ANKRD55: variants seen among roughly 807,000 people sequenced by gnomAD.
The protein encoded by ANKRD55 is ankyrin repeat domain-containing protein 55.
Under a neutral mutation model 60.6 loss-of-function variants are expected in ANKRD55, and 41 were observed. The ratio of observed to expected loss-of-function variants is 0.68; its 90% CI spans 0.53 to 0.88. The LOEUF (loss-of-function observed/expected upper bound fraction) is 0.88, where lower values mean the gene tolerates loss of function less well. ANKRD55 is among the 40% of genes least tolerant of loss of function. ANKRD55 has a pLI of 0.00. For missense variants in ANKRD55, 732 were observed against 767.6 expected (o/e 0.95, Z 0.55); for synonymous variants, 264 against 290.3 (o/e 0.91, Z 0.92).
intron 2 of ANKRD55, among the ~76,000 whole-genome samples, chr5:56,222,802 A>G (rs1760002418): frequency 6.6e-6 from 1 of 152,188 alleles, no homozygotes; most frequent in South Asian, 2.1e-4. Flanking sequence ...AAGTTTAGAG[A>G]AAAAAGAGTA....
intron 3 of ANKRD55, among the ~76,000 whole-genome samples, chr5:56,181,122 G>A (rs1758841158): frequency 6.6e-6 from 1 of 152,194 alleles, no homozygotes; most frequent in East Asian, 1.9e-4. Context: ...GCTTGAACCC[G>A]GGAGGTGGAG....
chr5:56,175,407 AG>A (rs1049741369), intron 4 of ANKRD55, among the ~76,000 whole-genome samples: 2 of 152,188 alleles, frequency 1.3e-5, no homozygotes, highest in African/African-American at 2.4e-5. Context: ...AGGAAGAAAA[AG>A]GATGACCTCC....
chr5:56,203,322 C>T (rs1297518337), intron 2 of ANKRD55, among the ~76,000 whole-genome samples: 2 of 151,948 alleles, frequency 1.3e-5, no homozygotes, highest in African/African-American at 4.8e-5. Context: ...CTCATGAGAT[C>T]TGATGGTTTT....
At chr5:56,140,907 A>G (rs1757742622) in intron 7 of ANKRD55, among the ~76,000 whole-genome samples, 1 of 152,070 alleles carries the variant, frequency 6.6e-6, no homozygotes, top group Admixed American at 6.6e-5. Flanking sequence ...TACTAAAAAT[A>G]CAAAAATTAG....
At chr5:56,155,622 C>G (rs1758172086) in intron 6 of ANKRD55, among the ~76,000 whole-genome samples, 1 of 152,056 alleles carries the variant, frequency 6.6e-6, no homozygotes, top group African/African-American at 2.4e-5. Context: ...TGACCTAGTA[C>G]AGGAGCTCAG....
At chr5:56,219,759 C>A (rs1759916505) in intron 2 of ANKRD55, among the ~76,000 whole-genome samples, 1 of 152,226 alleles carries the variant, frequency 6.6e-6, no homozygotes, top group South Asian at 2.1e-4. Flanking sequence ...TGCATCCATA[C>A]CCTCACCTTC....
intron 5 of ANKRD55, among the ~76,000 whole-genome samples, chr5:56,166,151 TTTCTTCTTTCC>T (rs1758465591): frequency 4.1e-5 from 4 of 98,720 alleles, no homozygotes; most frequent in African/African-American, 1.8e-4. Context: ...TCTTTCTTTC[TTTCTTCTTTCC>T]TTCCTTCCTT....
rs754214865 is a variant in ANKRD55, at chr5:56,102,635, A to G, written c.1631-49T>C. On this transcript the variant is annotated intron_variant, in intron 10 of 11. Coordinates refer to ENST00000341048, the MANE Select transcript of ANKRD55 (RefSeq NM_024669.3). ...AATTACTTGAGACTCAACCAAGTGC[A>G]AATTACAGAATGCAATGGATAAGAG... 3.4e-5 allele frequency: 45 copies of G among 1,320,394 alleles called. No homozygotes were observed. The South Asian group carries it at 5.1e-4, about 15-fold the overall frequency. 81.8% of individuals were successfully genotyped at this position (1,320,394 alleles called of 1,614,324 possible).
chr5:56,127,365 A>C (rs953449286), intron 7 of ANKRD55: 3 of 985,322 alleles, frequency 3.0e-6, no homozygotes, highest in African/African-American at 3.5e-5. Flanking sequence ...CTAGTGAACG[A>C]AGGATGGATT....
chr5:56,201,579 C>T (rs544850268), intron 2 of ANKRD55, among the ~76,000 whole-genome samples: 2 of 152,206 alleles, frequency 1.3e-5, no homozygotes, highest in Non-Finnish European at 2.9e-5. Flanking sequence ...AGGCAAGTTG[C>T]TTAACATCTC....
intron 7 of ANKRD55, among the ~76,000 whole-genome samples, chr5:56,136,790 G>A (rs57254291): frequency 0.24 from 37,163 of 151,792 alleles, 6,245 homozygotes; most frequent in African/African-American, 0.47. Context: ...GGCATTGTGG[G>A]TGTGCCTATA....
chr5:56,165,003 G>A (rs143975712), intron 5 of ANKRD55, among the ~76,000 whole-genome samples: 22 of 152,264 alleles, frequency 1.4e-4, no homozygotes, highest in African/African-American at 5.1e-4. Flanking sequence ...CCCTCTGGAG[G>A]CAAAGGACTA....
Position 56,205,064 on chromosome 5 carries a change from CT to C in ANKRD55, c.59-21431del, listed in dbSNP as rs144913758. Among the ~76,000 whole-genome samples, 3 of 151,246 alleles carry C rather than the reference CT, an allele frequency of 2.0e-5. No homozygotes were observed. In the East Asian group the frequency reaches 5.8e-4, roughly 29 times the overall value. On this transcript the variant is annotated intron_variant, in intron 2 of 11. Coordinates refer to ENST00000341048, the MANE Select transcript of ANKRD55 (RefSeq NM_024669.3). ...AGTTTAGACTTGTTTTCTTTTCTTT[CT>C]TTTTTTTTCTTTTGAGACAGAGTCT...
At chr5:56,118,120 G>C (rs141434154) in intron 8 of ANKRD55, among the ~76,000 whole-genome samples, 1 of 151,988 alleles carries the variant, frequency 6.6e-6, no homozygotes, top group African/African-American at 2.4e-5. Flanking sequence ...TCCATCATGG[G>C]CGACAGAGCA....
At chr5:56,182,272 A>G (rs1351069144) in intron 3 of ANKRD55, among the ~76,000 whole-genome samples, 3 of 152,196 alleles carry the variant, frequency 2.0e-5, no homozygotes, top group Admixed American at 2.0e-4. Context: ...TTTCCTAATT[A>G]TAGGGCTCTT....
At chr5:56,173,532 A>G (rs1758655870) in intron 4 of ANKRD55, among the ~76,000 whole-genome samples, 1 of 141,490 alleles carries the variant, frequency 7.1e-6, no homozygotes, top group Non-Finnish European at 1.5e-5. Flanking sequence ...CGTTAAATGT[A>G]GAGATTCGCC....
At chr5:56,232,831 A>C in intron 2 of ANKRD55, 25 bp downstream of exon 2, 1 of 1,610,988 alleles carries the variant, frequency 6.2e-7, no homozygotes, top group Non-Finnish European at 8.5e-7. Flanking sequence ...TAACAACCAA[A>C]GAATGTGTTA....
intron 2 of ANKRD55, among the ~76,000 whole-genome samples, chr5:56,206,710 G>T (rs933440230): frequency 1.3e-5 from 2 of 152,156 alleles, no homozygotes; most frequent in African/African-American, 4.8e-5. Flanking sequence ...CTCCAAATAA[G>T]CATGGCTGAA....
chr5:56,210,478 C>T (rs1236444259), intron 2 of ANKRD55, among the ~76,000 whole-genome samples: 1 of 141,612 alleles, frequency 7.1e-6, no homozygotes, highest in Non-Finnish European at 1.5e-5. Context: ...AGGAGAAAGG[C>T]GTGAACCCGG....
Sources: gnomAD v4.1 joint callset for allele counts (sites outside exome capture counted in the v4.1 genomes callset) on GRCh38, gnomAD v4.1.1 for gene constraint, MANE v1.5 for transcripts, NCBI Gene and HGNC (gene_info 2026-07-23, HGNC 2026-07-21) for gene names.